CNOT6: variants seen among roughly 807,000 people sequenced by gnomAD.
CNOT6 encodes the protein carbon catabolite repression 4 protein.
Under a neutral mutation model 61.2 loss-of-function variants are expected in CNOT6, and 12 were observed. That is an observed-to-expected ratio of 0.20 (90% CI 0.13 to 0.32). The LOEUF (loss-of-function observed/expected upper bound fraction) is 0.32. CNOT6 is among the 10% of genes least tolerant of loss of function. The pLI, the probability that CNOT6 is intolerant of heterozygous loss-of-function variation, is 1.00. For synonymous variants in CNOT6, 225 were observed against 240.6 expected (o/e 0.94, Z 0.60); for missense variants, 405 against 663.9 (o/e 0.61, Z 4.28).
intron 1 of CNOT6, among the ~76,000 whole-genome samples, chr5:180,526,802 G>A (rs1758120865): frequency 6.6e-6 from 1 of 151,876 alleles, no homozygotes. Flanking sequence ...ATGCATGGGA[G>A]TGATGTTTTA....
chr5:180,510,193 GC>G (rs1757329240), intron 1 of CNOT6, among the ~76,000 whole-genome samples: 2 of 99,678 alleles, frequency 2.0e-5, no homozygotes, highest in Non-Finnish European at 3.7e-5. Flanking sequence ...TTTCTGTGTT[GC>G]CCAGGCTGGA....
rs1389183715 is a variant in CNOT6 at position 180,577,009 on chromosome 5, A to T, written c.*2809A>T. 3 of 152,616 alleles carry T rather than the reference A, an allele frequency of 2.0e-5. No individual in the cohort carries two copies. The highest frequency in any genetic ancestry group is 4.4e-5 in the Non-Finnish European group (3 of 68,046). 9.5% of individuals were successfully genotyped at this position (152,616 alleles called of 1,614,324 possible). The stretch of plus-strand genomic sequence containing the variant: ...CCTTGTCGCCAATCTCCTGAAGTAC[A>T]GCTTTACCATATTAGTGGTCATTAT... On this transcript the variant is annotated 3_prime_UTR_variant, in exon 12 of 12. Transcript: ENST00000261951.
intron 1 of CNOT6, among the ~76,000 whole-genome samples, chr5:180,499,351 A>G (rs1280458570): frequency 6.6e-6 from 1 of 152,218 alleles, no homozygotes. Context: ...CCCTATGTCC[A>G]CTTGAAATCA....
rs970755649 is a variant in CNOT6, at chr5:180,577,033, A to G, written c.*2833A>G. ...CAGCTTTACCATATTAGTGGTCATTATTTATGCTTTGAGAGTTTCAATATT... is the reference window on the plus strand; with the variant it reads ...CAGCTTTACCATATTAGTGGTCATTGTTTATGCTTTGAGAGTTTCAATATT... On this transcript the variant is annotated 3_prime_UTR_variant, in exon 12 of 12. Transcript: ENST00000261951. 5 of 152,540 alleles carry G rather than the reference A, an allele frequency of 3.3e-5. No individual in the cohort carries two copies. The highest frequency in any genetic ancestry group is 1.2e-4 in the African/African-American group (5 of 41,410). The allele number at this position is 152,540 out of a possible 1,614,324, so 9.4% of individuals were successfully genotyped here.
intron 1 of CNOT6, among the ~76,000 whole-genome samples, chr5:180,495,079 G>A (rs1385594017): frequency 6.6e-6 from 1 of 152,212 alleles, no homozygotes; most frequent in African/African-American, 2.4e-5. Context: ...GTCGGAGGAG[G>A]CGAGTCCGTG....
In CNOT6 at chr5:180,510,134, CTTTTTTTTTTTTTTT is replaced by C. The variant is rs56899929; in HGVS notation, c.-3+15392_-3+15406del. On this transcript the variant is annotated intron_variant, in intron 1 of 11. Coordinates refer to ENST00000261951, the MANE Select transcript of CNOT6 (RefSeq NM_001370472.1). ...TAAATGAGGTTTATCGTCTGTAAACCTTTTTTTTTTTTTTTTTTTTTTTTTTTTTTTTTTTAAGAG... is the reference window on the plus strand; with the variant it reads ...TAAATGAGGTTTATCGTCTGTAAACCTTTTTTTTTTTTTTTTTTTTAAGAG... 9.3e-3 allele frequency among the ~76,000 whole-genome samples: 349 copies of C among 37,410 alleles called. 2 individuals carry two copies. Among genetic ancestry groups the C allele is most frequent in the Middle Eastern group, 0.036 (1 of 28 alleles). The allele number at this position is 37,410 out of a possible 152,430, so 24.5% of individuals were successfully genotyped here.
chr5:180,513,905 G>C (rs1016805542), intron 1 of CNOT6, among the ~76,000 whole-genome samples: 1 of 150,158 alleles, frequency 6.7e-6, no homozygotes, highest in Non-Finnish European at 1.5e-5. Context: ...GGGTTTCACC[G>C]TGTTAGCCAG....
intron 2 of CNOT6, among the ~76,000 whole-genome samples, chr5:180,532,859 A>G (rs928367465): frequency 6.6e-6 from 1 of 152,176 alleles, no homozygotes; most frequent in Non-Finnish European, 1.5e-5. Context: ...GTTTATTATA[A>G]AGGATATTAC....
intron 11 of CNOT6, 77 bp from the exon 12 acceptor site, chr5:180,573,911 A>G (rs1581580275): frequency 7.2e-6 from 7 of 973,572 alleles, no homozygotes. Context: ...AACATGACAT[A>G]AAGGCATGTC....
At chr5:180,515,217 A>G (rs1135281) in intron 1 of CNOT6, among the ~76,000 whole-genome samples, 1 of 151,982 alleles carries the variant, frequency 6.6e-6, no homozygotes, top group South Asian at 2.1e-4. Context: ...CAGGAGTTCA[A>G]GACCAGCCTG....
rs1307486200 is a variant in CNOT6 at position 180,494,620 on chromosome 5, C to G, written c.-146C>G. 6.4e-6 allele frequency: 1 copy of G among 156,780 alleles called. No individual in the cohort carries two copies. The highest frequency in any genetic ancestry group is 2.4e-5 in the African/African-American group (1 of 40,822). 9.7% of individuals were successfully genotyped at this position (156,780 alleles called of 1,614,324 possible). ...CTCTCGGAGGGGGAACAAAGAGCAG[C>G]GACTAAGGCGGCAGAGGAGCGGCGG... On this transcript the variant is annotated 5_prime_UTR_variant, in exon 1 of 12. Transcript: ENST00000261951.
chr5:180,505,688 C>T (rs1474113958), intron 1 of CNOT6, among the ~76,000 whole-genome samples: 1 of 151,882 alleles, frequency 6.6e-6, no homozygotes, highest in East Asian at 1.9e-4. Flanking sequence ...GCTGGGACTA[C>T]AGGCACCCAC....
intron 1 of CNOT6, among the ~76,000 whole-genome samples, chr5:180,511,483 C>T (rs1161048082): frequency 6.6e-6 from 1 of 152,120 alleles, no homozygotes; most frequent in Non-Finnish European, 1.5e-5. Flanking sequence ...TGGTGGCATG[C>T]ACCTGTAGTT....
At chr5:180,561,229 G>A (rs897271593) in intron 4 of CNOT6, among the ~76,000 whole-genome samples, 1 of 152,126 alleles carries the variant, frequency 6.6e-6, no homozygotes, top group Non-Finnish European at 1.5e-5. Flanking sequence ...TGGGATTATA[G>A]GCATGAGCCA....
At chr5:180,573,543 G>T (rs1475720351) in intron 11 of CNOT6, among the ~76,000 whole-genome samples, 1 of 146,602 alleles carries the variant, frequency 6.8e-6, no homozygotes, top group African/African-American at 2.5e-5. Context: ...CAGAATGGTG[G>T]AGGGGGGCAG....
chr5:180,548,888 C>A (rs1003028157), intron 2 of CNOT6, among the ~76,000 whole-genome samples: 1 of 152,164 alleles, frequency 6.6e-6, no homozygotes, highest in African/African-American at 2.4e-5. Flanking sequence ...GATCCTGAAC[C>A]AGTAAGGAGA....
intron 10 of CNOT6, among the ~76,000 whole-genome samples, chr5:180,570,046 A>C (rs12110046): frequency 0.25 from 37,532 of 151,744 alleles, 5,734 homozygotes; most frequent in Middle Eastern, 0.4. Flanking sequence ...TGACATCACA[A>C]TAGATAGAGC....
intron 1 of CNOT6, among the ~76,000 whole-genome samples, chr5:180,501,450 C>T (rs1283965908): frequency 6.6e-6 from 1 of 152,178 alleles, no homozygotes; most frequent in East Asian, 1.9e-4. Context: ...TTTGACATAC[C>T]TCCTGGATAC....
At chr5:180,513,986 G>A (rs1261992981) in intron 1 of CNOT6, among the ~76,000 whole-genome samples, 1 of 152,088 alleles carries the variant, frequency 6.6e-6, no homozygotes, top group Non-Finnish European at 1.5e-5. Flanking sequence ...ACAGGCGTGA[G>A]CCACCGGGCC....
Sources: allele counts gnomAD v4.1 joint callset (sites outside exome capture counted in the v4.1 genomes callset), GRCh38; gene constraint gnomAD v4.1.1; transcripts MANE v1.5; gene names NCBI Gene and HGNC (gene_info 2026-07-23, HGNC 2026-07-21).